SMAD6: variants seen among roughly 807,000 people sequenced by gnomAD.
The protein encoded by SMAD6 is MAD homolog 6.
In SMAD6, 103 loss-of-function variants were observed where a neutral mutation model predicts 39.4. The observed-to-expected ratio is 2.62, with a 90% CI of 2.23 to 3.08. The LOEUF (loss-of-function observed/expected upper bound fraction) is 3.08. Ranked by LOEUF, SMAD6 falls within the 30% of genes most tolerant of loss-of-function variation. The pLI is 0.00. For synonymous variants in SMAD6, 445 were observed against 353.3 expected, an observed-to-expected ratio of 1.26 and a Z score of -2.91; for missense variants, 1,104 against 742.9, an observed-to-expected ratio of 1.49 and a Z score of -5.65.
intron 3 of SMAD6, among the ~76,000 whole-genome samples, chr15:66,760,485 C>CG (rs1369661694): frequency 6.6e-6 from 1 of 152,164 alleles, no homozygotes; most frequent in Non-Finnish European, 1.5e-5. Context: ...TGGCACATGG[C>CG]GGGCTCGAAG....
chr15:66,716,829 C>T (rs751084317), intron 3 of SMAD6, among the ~76,000 whole-genome samples: 24 of 152,344 alleles, frequency 1.6e-4, no homozygotes, highest in Non-Finnish European at 3.1e-4. Context: ...CCCCCAGCTG[C>T]GAGAGGCAGC....
chr15:66,770,813 G>C (rs771947577), intron 3 of SMAD6, among the ~76,000 whole-genome samples: 1 of 152,108 alleles, frequency 6.6e-6, no homozygotes, highest in South Asian at 2.1e-4. Context: ...GGCCTGAGGG[G>C]GTTCCCTGCC....
intron 3 of SMAD6, among the ~76,000 whole-genome samples, chr15:66,737,259 C>T (rs187795330): frequency 6.4e-4 from 97 of 152,318 alleles, no homozygotes; most frequent in African/African-American, 2.2e-3. Flanking sequence ...ACTTGGAATG[C>T]CCTGCCAGGC....
At chr15:66,744,373 C>T (rs567957986) in intron 3 of SMAD6, among the ~76,000 whole-genome samples, 79 of 152,280 alleles carry the variant, frequency 5.2e-4, no homozygotes, top group African/African-American at 1.9e-3. Flanking sequence ...TGTCCTCAGG[C>T]GGCTTCCATG....
intron 1 of SMAD6, among the ~76,000 whole-genome samples, chr15:66,710,973 C>G (rs1893215459): frequency 6.6e-6 from 1 of 152,234 alleles, no homozygotes. Flanking sequence ...CTGTCCTCCC[C>G]TGCACCTAGG....
chr15:66,717,233 C>A, intron 3 of SMAD6: 1 of 838,930 alleles, frequency 1.2e-6, no homozygotes, highest in Non-Finnish European at 1.7e-6. Flanking sequence ...TGGTGGCATG[C>A]TGGCTGGGAC....
intron 3 of SMAD6, among the ~76,000 whole-genome samples, chr15:66,734,883 A>AT (rs1290714826): frequency 6.6e-6 from 1 of 152,232 alleles, no homozygotes; most frequent in Non-Finnish European, 1.5e-5. Context: ...ATTTTACCAT[A>AT]TTTTTAAATA....
intron 3 of SMAD6, among the ~76,000 whole-genome samples, chr15:66,719,528 A>G (rs572784999): frequency 6.6e-6 from 1 of 152,182 alleles, no homozygotes; most frequent in African/African-American, 2.4e-5. Context: ...CCTGGGATGT[A>G]CGTCATCCCC....
At chr15:66,780,969 C>T (rs753266540) in intron 3 of SMAD6, 28 bp from the exon 4 acceptor site, 95 of 1,522,482 alleles carry the variant, frequency 6.2e-5, no homozygotes, top group East Asian at 2.4e-4. Flanking sequence ...CCCAGAATAA[C>T]GCGGCGGTCC....
intron 3 of SMAD6, among the ~76,000 whole-genome samples, chr15:66,730,875 T>C (rs1893615267): frequency 6.6e-6 from 1 of 152,246 alleles, no homozygotes; most frequent in Non-Finnish European, 1.5e-5. Flanking sequence ...AACCCAGGCC[T>C]GCCTGCCTCC....
chr15:66,747,194 A>C lies in SMAD6; in HGVS notation c.952+30696A>C, dbSNP rs1893922278. Among the ~76,000 whole-genome samples, 1 of 152,256 alleles carries C rather than the reference A, an allele frequency of 6.6e-6. No homozygotes were observed. On this transcript the variant is annotated intron_variant, in intron 3 of 3. Coordinates refer to ENST00000288840, the MANE Select transcript of SMAD6 (RefSeq NM_005585.5). The surrounding 1 kb of genome is among the most constrained non-coding windows in gnomAD (Gnocchi z 4.5). ...TCTTATCTCCACATGGCAAGTGGGG[A>C]AAATGAGGCTTGGCCAGAGGTTGCG...
At chr15:66,727,778 G>A (rs1380701563) in intron 3 of SMAD6, among the ~76,000 whole-genome samples, 3 of 152,120 alleles carry the variant, frequency 2.0e-5, no homozygotes, top group Admixed American at 6.5e-5. Flanking sequence ...TTTGTTTAAT[G>A]TAAACTTTTT....
At chr15:66,713,927 G>C (rs957571453) in intron 2 of SMAD6, among the ~76,000 whole-genome samples, 1 of 152,208 alleles carries the variant, frequency 6.6e-6, no homozygotes, top group Non-Finnish European at 1.5e-5. Flanking sequence ...AACTGAGTGA[G>C]GGCGAGGAGC....
chr15:66,723,936 T>C (rs1240031481), intron 3 of SMAD6, among the ~76,000 whole-genome samples: 1 of 152,160 alleles, frequency 6.6e-6, no homozygotes, highest in Non-Finnish European at 1.5e-5. Context: ...GGCATTCACC[T>C]TCACAGAGAA....
rs1192188940 is a variant in SMAD6 at position 66,703,853 on chromosome 15, G to A, written c.595G>A (p.Gly199Ser). ...DTLLEAVESR[G>S]GVPGGCVLVP... ...GCTGCTGGAGGCGGTGGAGTCCCGCGGCGGCGTGCCGGGCGGCTGCGTGCT... is the reference window on the plus strand; with the variant it reads ...GCTGCTGGAGGCGGTGGAGTCCCGCAGCGGCGTGCCGGGCGGCTGCGTGCT... The change falls in exon 1 of 4, where the codon GGC becomes AGC. Residue 199 changes from glycine (G) to serine (S), a missense_variant. Gly to Ser is a moderately conservative substitution (Grantham distance 56). Coordinates refer to ENST00000288840, the MANE Select transcript of SMAD6 (RefSeq NM_005585.5). 1.5e-6 allele frequency: 2 copies of A among 1,354,434 alleles called. No individual in the cohort carries two copies. The highest frequency in any genetic ancestry group is 1.9e-6 in the Non-Finnish European group (2 of 1,042,166). The allele number at this position is 1,354,434 out of a possible 1,614,324, so 83.9% of individuals were successfully genotyped here.
intron 1 of SMAD6, among the ~76,000 whole-genome samples, chr15:66,709,456 T>A (rs1271715211): frequency 1.3e-5 from 2 of 152,188 alleles, no homozygotes; most frequent in Non-Finnish European, 2.9e-5. Flanking sequence ...CTTCCACCTT[T>A]TGAGTCCCAG....
intron 3 of SMAD6, among the ~76,000 whole-genome samples, chr15:66,755,639 G>A (rs1025152840): frequency 2.0e-5 from 3 of 152,118 alleles, no homozygotes; most frequent in Non-Finnish European, 2.9e-5. Flanking sequence ...TCATGAAATC[G>A]CCACTGCAGC....
At chr15:66,730,991 A>G (rs903360398) in intron 3 of SMAD6, among the ~76,000 whole-genome samples, 2 of 152,000 alleles carry the variant, frequency 1.3e-5, no homozygotes, top group Non-Finnish European at 2.9e-5. Flanking sequence ...AGCCCTCATG[A>G]GGCTGTGTAG....
chr15:66,772,852 C>T (rs1045624353), intron 3 of SMAD6, among the ~76,000 whole-genome samples: 3 of 152,188 alleles, frequency 2.0e-5, no homozygotes. Context: ...CCAGCTGTGT[C>T]GCTCATTTCC....
Sources: gnomAD v4.1 joint callset for allele counts (sites outside exome capture counted in the v4.1 genomes callset) on GRCh38, gnomAD v4.1.1 for gene constraint, Gnocchi (gnomAD v3.1) non-coding constraint, MANE v1.5 for transcripts, NCBI Gene and HGNC (gene_info 2026-07-23, HGNC 2026-07-21) for gene names.